SNX18: variants seen among roughly 807,000 people sequenced by gnomAD.
SNX18 encodes sorting nexin 18.
SNX18 carries 35 observed loss-of-function variants against 48.7 expected under a neutral mutation model. The ratio of observed to expected loss-of-function variants is 0.72; its 90% confidence interval spans 0.55 to 0.95. SNX18 has a LOEUF of 0.95. Ranked by LOEUF, SNX18 falls within the 40% of genes least tolerant of loss-of-function variation. The pLI is 0.00. For missense variants in SNX18, 824 were observed against 871.0 expected, an observed-to-expected ratio of 0.95 and a Z score of 0.68; for synonymous variants, 492 against 384.7, an observed-to-expected ratio of 1.28 and a Z score of -3.26.
At chr5:54,565,354 G>T in the SNX18 span, among the ~76,000 whole-genome samples, 1 of 152,088 alleles carries the variant, frequency 6.6e-6, no homozygotes, top group Non-Finnish European at 1.5e-5. Context: ...CAGGAGAATT[G>T]CTTGAGGCCA....
the SNX18 span, among the ~76,000 whole-genome samples, chr5:54,560,978 G>A: frequency 6.6e-6 from 1 of 152,194 alleles, no homozygotes; most frequent in Non-Finnish European, 1.5e-5. Context: ...CATTTGATCA[G>A]TTATAAATGT....
chr5:54,565,782 G>A, the SNX18 span, among the ~76,000 whole-genome samples: 3 of 152,148 alleles, frequency 2.0e-5, no homozygotes, highest in Non-Finnish European at 4.4e-5. Context: ...AGCTGGGGAT[G>A]GATAGGGCGA....
chr5:54,519,941 G>C, intron 1 of SNX18: 1 of 926,028 alleles, frequency 1.1e-6, no homozygotes, highest in Non-Finnish European at 1.6e-6. Flanking sequence ...TTTGAACACT[G>C]CACTGTCACT....
intron 1 of SNX18, among the ~76,000 whole-genome samples, chr5:54,537,855 G>A (rs1762385999): frequency 6.6e-6 from 1 of 152,158 alleles, no homozygotes; most frequent in African/African-American, 2.4e-5. Flanking sequence ...AAAAAACAAT[G>A]CAGTACAGCC....
At chr5:54,579,554 G>T in the SNX18 span, among the ~76,000 whole-genome samples, 2 of 152,160 alleles carry the variant, frequency 1.3e-5, no homozygotes, top group Non-Finnish European at 2.9e-5. Flanking sequence ...CAGAGTCACT[G>T]GTTCACTTGC....
At chr5:54,584,106 A>G in the SNX18 span, among the ~76,000 whole-genome samples, 1,316 of 140,344 alleles carry the variant, frequency 9.4e-3, 20 homozygotes, top group African/African-American at 0.034. Context: ...GCTGGAGTGC[A>G]GTGGCACAAT....
intron 1 of SNX18, chr5:54,520,295 A>G (rs913118219): frequency 5.6e-6 from 1 of 178,890 alleles, no homozygotes; most frequent in African/African-American, 2.4e-5. Context: ...TTAGCTGTCC[A>G]ACTATCAGAG....
the SNX18 span, among the ~76,000 whole-genome samples, chr5:54,624,288 TCACCA>T: frequency 6.6e-6 from 1 of 152,246 alleles, no homozygotes; most frequent in Non-Finnish European, 1.5e-5. Context: ...ATTCAAGTTC[TCACCA>T]CTTTATGACT....
At chr5:54,567,288 G>A in the SNX18 span, among the ~76,000 whole-genome samples, 3 of 151,948 alleles carry the variant, frequency 2.0e-5, no homozygotes, top group Admixed American at 6.6e-5. Flanking sequence ...CTCAGGAATT[G>A]TGTGTGAGGA....
rs2548614 is a variant in SNX18 at position 54,518,564 on chromosome 5, T to C, written c.612T>C (p.Gly204=). ...CCACGCGCTCCGACCTGTCCCTGGG[T>C]TCCCGCGGCGGCTCGGTCCCCCCGC... ...RLSTRSDLSL[G]SRGGSVPPQH... is the part of the protein sequence containing the mutation. Residue 204 remains glycine, a synonymous_variant, in exon 1 of 2, where the codon GGT becomes GGC. Coordinates refer to ENST00000381410, the MANE Select transcript of SNX18 (RefSeq NM_001102575.2). The C allele has an allele frequency of 0.98, 1,553,154 of 1,583,806 alleles. 761,608 individuals carry two copies. Among genetic ancestry groups the C allele is most frequent in the East Asian group, 1 (44,390 of 44,490 alleles).
downstream of SNX18, among the ~76,000 whole-genome samples, chr5:54,547,765 A>G (rs1016498114): frequency 6.6e-6 from 1 of 152,230 alleles, no homozygotes; most frequent in African/African-American, 2.4e-5. Context: ...ACCTCCATGC[A>G]GTGCCAATAG....
At chr5:54,549,782 C>T (rs189901027), downstream of SNX18, among the ~76,000 whole-genome samples, 3 of 152,266 alleles carry the variant, frequency 2.0e-5, no homozygotes, top group East Asian at 1.9e-4. Flanking sequence ...ACCCTGGCCT[C>T]GTGTTACATA....
chr5:54,611,474 C>T, the SNX18 span, among the ~76,000 whole-genome samples: 1 of 152,152 alleles, frequency 6.6e-6, no homozygotes, highest in Non-Finnish European at 1.5e-5. Context: ...TGTTGTCCTC[C>T]AGGTCCCCTT....
At chr5:54,628,791 A>G in the SNX18 span, among the ~76,000 whole-genome samples, 1 of 152,210 alleles carries the variant, frequency 6.6e-6, no homozygotes, top group African/African-American at 2.4e-5. Context: ...AGGCCGCCTC[A>G]TGGCTCTGCA....
At chr5:54,581,353 A>G in the SNX18 span, among the ~76,000 whole-genome samples, 5 of 152,300 alleles carry the variant, frequency 3.3e-5, no homozygotes, top group African/African-American at 9.6e-5. Context: ...TGTCTAGGAA[A>G]ACAATGGAAT....
the SNX18 span, among the ~76,000 whole-genome samples, chr5:54,640,538 C>T: frequency 6.6e-6 from 1 of 152,194 alleles, no homozygotes; most frequent in Non-Finnish European, 1.5e-5. Context: ...AGGGTCTCAT[C>T]TTACGCTCTG....
the SNX18 span, among the ~76,000 whole-genome samples, chr5:54,629,281 C>T: frequency 6.6e-6 from 1 of 152,192 alleles, no homozygotes; most frequent in African/African-American, 2.4e-5. Context: ...CACAGTCCTG[C>T]AGCTGCTTCT....
the SNX18 span, among the ~76,000 whole-genome samples, chr5:54,633,392 T>A: frequency 1.3e-5 from 2 of 152,168 alleles, no homozygotes; most frequent in Non-Finnish European, 2.9e-5. Flanking sequence ...AGTCTTGGTT[T>A]CCGCATTTTA....
chr5:54,604,212 G>A, the SNX18 span, among the ~76,000 whole-genome samples: 1 of 152,088 alleles, frequency 6.6e-6, no homozygotes, highest in Non-Finnish European at 1.5e-5. Context: ...CTGACAGTGT[G>A]GTGTCTTCTC....
Sources: gnomAD v4.1 joint callset for allele counts (sites outside exome capture counted in the v4.1 genomes callset) on GRCh38, gnomAD v4.1.1 for gene constraint, MANE v1.5 for transcripts, NCBI Gene and HGNC (gene_info 2026-07-23, HGNC 2026-07-21) for gene names.